RBFOX3: variants seen among roughly 807,000 people sequenced by gnomAD.
RBFOX3 encodes RNA binding fox-1 homolog 3, also known as RNA binding protein fox-1 homolog 3.
A neutral mutation model predicts 48.7 loss-of-function variants in RBFOX3; 17 were observed. That is an observed-to-expected ratio of 0.35 (90% CI 0.24 to 0.52). The LOEUF (loss-of-function observed/expected upper bound fraction) is 0.52, where lower values mean the gene tolerates loss of function less well. RBFOX3 is among the 20% of genes least tolerant of loss of function. The probability of loss-of-function intolerance (pLI) is 0.94; values close to 1 mark genes in which losing one functional copy is unlikely to be tolerated. For synonymous variants in RBFOX3, 212 were observed against 209.5 expected, an observed-to-expected ratio of 1.01 and a Z score of -0.10; for missense variants, 382 against 497.5, an observed-to-expected ratio of 0.77 and a Z score of 2.21.
intron 4 of RBFOX3, among the ~76,000 whole-genome samples, chr17:79,192,396 G>A (rs940631330): frequency 6.6e-6 from 1 of 152,168 alleles, no homozygotes; most frequent in Non-Finnish European, 1.5e-5. Context: ...ACAGCCAACA[G>A]AGACTGTATT....
intron 2 of RBFOX3, among the ~76,000 whole-genome samples, chr17:79,384,360 C>T (rs1046198512): frequency 6.6e-6 from 1 of 151,392 alleles, no homozygotes; most frequent in African/African-American, 2.5e-5. Context: ...TGGCCACGCC[C>T]TCCCTGTCTA....
chr17:79,163,436 G>T (rs2047369584), intron 4 of RBFOX3, among the ~76,000 whole-genome samples: 1 of 152,218 alleles, frequency 6.6e-6, no homozygotes, highest in African/African-American at 2.4e-5. Context: ...GAGTGGAGAG[G>T]CCAGGGCATC....
At chr17:79,201,662 T>C (rs1192773024) in intron 4 of RBFOX3, among the ~76,000 whole-genome samples, 1 of 152,190 alleles carries the variant, frequency 6.6e-6, no homozygotes, top group Non-Finnish European at 1.5e-5. Flanking sequence ...GTGTATCACA[T>C]CTTCTGCAAT....
At chr17:79,557,659 T>C (rs888827724) in intron 1 of RBFOX3, among the ~76,000 whole-genome samples, 1 of 152,128 alleles carries the variant, frequency 6.6e-6, no homozygotes, top group Non-Finnish European at 1.5e-5. Flanking sequence ...AAATGTTCTG[T>C]GTGAAATTGG....
At position 79,392,405 on chromosome 17, in the gene RBFOX3, C is replaced by T. The variant is rs188839708; in HGVS notation, c.-174-84581G>A. Reference sequence around the variant, plus strand: ...GTGAAGATTCATAAGCTAACTCTCACACGGTAGTGAGCGCAGGGCCCGGCC... The same window carrying T: ...GTGAAGATTCATAAGCTAACTCTCATACGGTAGTGAGCGCAGGGCCCGGCC... On this transcript the variant is annotated intron_variant, in intron 2 of 14. Coordinates refer to ENST00000693108, the MANE Select transcript of RBFOX3 (RefSeq NM_001350451.2). The surrounding 1 kb of genome is among the most constrained non-coding windows in gnomAD (Gnocchi z 5.0). 3.4e-4 allele frequency among the ~76,000 whole-genome samples: 52 copies of T among 152,288 alleles called. No homozygotes were observed. Among genetic ancestry groups the T allele is most frequent in the Non-Finnish European group, 4.7e-4 (32 of 68,026 alleles).
intron 1 of RBFOX3, among the ~76,000 whole-genome samples, chr17:79,545,165 G>C (rs1163555958): frequency 6.6e-6 from 1 of 152,132 alleles, no homozygotes; most frequent in Non-Finnish European, 1.5e-5. Flanking sequence ...TTTGTAAAAA[G>C]AAAGAAGTCC....
intron 4 of RBFOX3, among the ~76,000 whole-genome samples, chr17:79,149,564 C>CT: frequency 6.6e-6 from 1 of 151,926 alleles, no homozygotes; most frequent in South Asian, 2.1e-4. Flanking sequence ...GGAAGTGTGC[C>CT]TGGGGGGGTC....
At chr17:79,092,921 T>C (rs1794923330) in intron 14 of RBFOX3, among the ~76,000 whole-genome samples, 1 of 151,708 alleles carries the variant, frequency 6.6e-6, no homozygotes, top group Admixed American at 6.6e-5. Flanking sequence ...GTCACTTCTC[T>C]GGGCTCAGGC....
intron 3 of RBFOX3, among the ~76,000 whole-genome samples, chr17:79,306,940 A>G (rs2076184336): frequency 6.6e-6 from 1 of 152,214 alleles, no homozygotes; most frequent in Admixed American, 6.5e-5. Context: ...CGACTCTTGG[A>G]GAGTCTGGCC....
Position 79,327,971 on chromosome 17 carries a change from G to A in RBFOX3, c.-174-20147C>T, listed in dbSNP as rs555962511. Reference sequence around the variant, plus strand: ...GGCCTCCCAAAGTGCTGGGATTACAGGTGTGAGCCACCGCACCTGGCCTTC... The same window carrying A: ...GGCCTCCCAAAGTGCTGGGATTACAAGTGTGAGCCACCGCACCTGGCCTTC... On this transcript the variant is annotated intron_variant, in intron 2 of 14. Transcript: ENST00000693108. Among the ~76,000 whole-genome samples, 3 of 152,292 alleles carry A rather than the reference G, an allele frequency of 2.0e-5. No homozygotes were observed. In the South Asian group the frequency reaches 6.2e-4, roughly 32 times the overall value.
chr17:79,121,554 T>C (rs1173776571), intron 4 of RBFOX3, among the ~76,000 whole-genome samples: 3 of 152,164 alleles, frequency 2.0e-5, no homozygotes, highest in Admixed American at 6.5e-5. Context: ...ACATCCACCA[T>C]ACTGAAAATG....
rs1017931845 is a variant in RBFOX3, at chr17:79,193,217, G to A, written c.-34+42549C>T. On this transcript the variant is annotated intron_variant, in intron 4 of 14. Transcript: ENST00000693108. The stretch of plus-strand genomic sequence containing the variant: ...GTGTTGCAATTTGGGAGGCACCGGG[G>A]AGCAGCACAATGTGGGGAGATTACG... Among the ~76,000 whole-genome samples, 12 of 152,310 alleles carry A rather than the reference G, an allele frequency of 7.9e-5. No individual in the cohort carries two copies. In the South Asian group the frequency reaches 1.7e-3, roughly 21 times the overall value.
chr17:79,261,784 G>A (rs545752342), intron 3 of RBFOX3, among the ~76,000 whole-genome samples: 5 of 152,302 alleles, frequency 3.3e-5, no homozygotes, highest in South Asian at 4.1e-4. Flanking sequence ...CACACCCCAC[G>A]CTTCCCCTGT....
intron 2 of RBFOX3, among the ~76,000 whole-genome samples, chr17:79,465,827 G>A (rs2076236974): frequency 6.6e-6 from 1 of 152,180 alleles, no homozygotes; most frequent in African/African-American, 2.4e-5. Flanking sequence ...ATCGCGGCCT[G>A]GGCAGTGCAG....
intron 1 of RBFOX3, among the ~76,000 whole-genome samples, chr17:79,549,069 G>A (rs2090859742): frequency 6.6e-6 from 1 of 152,234 alleles, no homozygotes; most frequent in African/African-American, 2.4e-5. Context: ...CAGATGCACT[G>A]ACCAAGGTCC....
chr17:79,498,187 C>T (rs961213802), intron 1 of RBFOX3, among the ~76,000 whole-genome samples: 1 of 152,304 alleles, frequency 6.6e-6, no homozygotes, highest in East Asian at 1.9e-4. Context: ...CCAGTTTTGG[C>T]CTTCAGTATG....
intron 4 of RBFOX3, among the ~76,000 whole-genome samples, chr17:79,150,244 T>C (rs2044120775): frequency 6.6e-6 from 1 of 151,854 alleles, no homozygotes; most frequent in African/African-American, 2.4e-5. Context: ...ACTGAGGCCC[T>C]CAAGGCACAA....
chr17:79,211,751 C>T (rs936236830), intron 4 of RBFOX3, among the ~76,000 whole-genome samples: 1 of 152,222 alleles, frequency 6.6e-6, no homozygotes, highest in African/African-American at 2.4e-5. Context: ...TGACTTCTCA[C>T]TGCTGGTTGG....
intron 4 of RBFOX3, among the ~76,000 whole-genome samples, chr17:79,219,391 T>C (rs906095180): frequency 6.6e-6 from 1 of 152,220 alleles, no homozygotes; most frequent in Non-Finnish European, 1.5e-5. Context: ...AGTGTGTGCA[T>C]GTGCGTGCGC....
Sources: allele counts gnomAD v4.1 joint callset (sites outside exome capture counted in the v4.1 genomes callset), GRCh38; gene constraint gnomAD v4.1.1; non-coding constraint Gnocchi (gnomAD v3.1); transcripts MANE v1.5; gene names NCBI Gene and HGNC (gene_info 2026-07-23, HGNC 2026-07-21).